ZNF331: variants seen among roughly 807,000 people sequenced by gnomAD.
ZNF331 encodes zinc finger protein 331.
ZNF331 carries 2 observed loss-of-function variants against 7.0 expected under a neutral mutation model. That is an observed-to-expected ratio of 0.29 (90% confidence interval 0.12 to 0.90). The LOEUF is 0.90. Ranked by LOEUF, ZNF331 falls within the 40% of genes least tolerant of loss-of-function variation. ZNF331 has a pLI of 0.58. For missense variants in ZNF331, 432 were observed against 587.7 expected (o/e 0.74, Z 2.74); for synonymous variants, 196 against 205.4 (o/e 0.95, Z 0.39).
intron 3 of ZNF331, among the ~76,000 whole-genome samples, chr19:53,556,773 G>A (rs944224698): frequency 4.0e-5 from 6 of 151,870 alleles, no homozygotes; most frequent in Non-Finnish European, 8.8e-5. Context: ...AAGTAGCTGG[G>A]GCTACTGGTG....
intron 2 of ZNF331, among the ~76,000 whole-genome samples, chr19:53,524,898 G>A (rs553863437): frequency 1.6e-4 from 24 of 152,232 alleles, no homozygotes; most frequent in African/African-American, 5.5e-4. Flanking sequence ...ATGGTTTTAG[G>A]TCTAATATTT....
intron 2 of ZNF331, among the ~76,000 whole-genome samples, chr19:53,531,804 T>C (rs2087550306): frequency 6.6e-6 from 1 of 151,524 alleles, no homozygotes; most frequent in South Asian, 2.1e-4. Flanking sequence ...TGAGAAGCAA[T>C]GTGGTTTGAT....
At chr19:53,541,633 A>T (rs1041859992) in intron 2 of ZNF331, among the ~76,000 whole-genome samples, 5 of 152,108 alleles carry the variant, frequency 3.3e-5, no homozygotes, top group Admixed American at 2.0e-4. Context: ...TTATAATAGG[A>T]TTAATGCAGG....
At chr19:53,515,658 C>A (rs566821502), upstream of ZNF331, among the ~76,000 whole-genome samples, 6 of 152,212 alleles carry the variant, frequency 3.9e-5, no homozygotes, top group African/African-American at 1.2e-4. Flanking sequence ...CCACCACGCC[C>A]GGCTAATTTT....
intron 2 of ZNF331, among the ~76,000 whole-genome samples, chr19:53,552,809 T>C (rs539122733): frequency 4.6e-5 from 7 of 152,284 alleles, no homozygotes; most frequent in African/African-American, 1.7e-4. Context: ...TGATCTTCAA[T>C]AGTAACCACA....
At position 53,562,211 on chromosome 19, in the gene ZNF331, G is replaced by C. The variant is rs73587725; in HGVS notation, c.-74+6303G>C. 2.2e-3 allele frequency among the ~76,000 whole-genome samples: 340 copies of C among 152,208 alleles called. 1 individual carries two copies. Among genetic ancestry groups the C allele is most frequent in the African/African-American group, 7.8e-3 (326 of 41,584 alleles). ...AATGTTTCTTTCCCAGAACATGACA[G>C]TAATCACTGATAAATTCTAAGTAAT... On this transcript the variant is annotated intron_variant, in intron 3 of 5. Coordinates refer to ENST00000449416, the MANE Select transcript of ZNF331 (RefSeq NM_001079906.2).
At chr19:53,574,303 G>A (rs564242409) in intron 5 of ZNF331, among the ~76,000 whole-genome samples, 4 of 151,858 alleles carry the variant, frequency 2.6e-5, no homozygotes, top group Admixed American at 2.6e-4. Flanking sequence ...ACAACAATAC[G>A]GAGGAAAGTG....
upstream of ZNF331, among the ~76,000 whole-genome samples, chr19:53,514,794 A>G (rs1158949417): frequency 3.3e-5 from 5 of 151,400 alleles, no homozygotes; most frequent in African/African-American, 4.9e-5. Context: ...GGGACTACAG[A>G]AGCCCGCCAC....
chr19:53,544,165 TGC>T (rs1293257589), intron 2 of ZNF331, among the ~76,000 whole-genome samples: 1 of 149,532 alleles, frequency 6.7e-6, no homozygotes, highest in Non-Finnish European at 1.5e-5. Flanking sequence ...AGGCGGAGGT[TGC>T]AGTGAGTTGA....
chr19:53,542,844 T>C (rs1003187108), intron 2 of ZNF331, among the ~76,000 whole-genome samples: 1 of 152,212 alleles, frequency 6.6e-6, no homozygotes, highest in African/African-American at 2.4e-5. Context: ...AGTTTCGCTC[T>C]GGTTGCCTAG....
chr19:53,574,613 GC>G lies in ZNF331; in HGVS notation c.137-2081del, dbSNP rs201886600. On this transcript the variant is annotated intron_variant, in intron 5 of 5. Coordinates refer to ENST00000449416, the MANE Select transcript of ZNF331 (RefSeq NM_001079906.2). The stretch of plus-strand genomic sequence containing the variant: ...AAAGTGGGTTAGCCTCGCTTTAAGT[GC>G]CCGTTTTCTTTTTCTCATATCTAGG... Among the ~76,000 whole-genome samples, 707 of 152,228 alleles carry G rather than the reference GC, an allele frequency of 4.6e-3. 4 individuals are homozygous for G. The highest frequency in any genetic ancestry group is 0.016 in the African/African-American group (679 of 41,532).
At chr19:53,525,607 G>A (rs1210029745) in intron 2 of ZNF331, among the ~76,000 whole-genome samples, 1 of 152,138 alleles carries the variant, frequency 6.6e-6, no homozygotes, top group Non-Finnish European at 1.5e-5. Context: ...CATTGATTTT[G>A]TAAGGGATAC....
chr19:53,509,076 G>A, the ZNF331 span, among the ~76,000 whole-genome samples: 1 of 152,228 alleles, frequency 6.6e-6, no homozygotes, highest in Non-Finnish European at 1.5e-5. Flanking sequence ...CCAGGACTGT[G>A]TTAGTTTCAG....
upstream of ZNF331, among the ~76,000 whole-genome samples, chr19:53,535,801 C>CTTTTTTTTTTTTTTTTTTT (rs558002929): frequency 1.4e-5 from 2 of 143,424 alleles, no homozygotes. Context: ...AAAATGTTCA[C>CTTTTTTTTTTTTTTTTTTT]TTTTTTTTTT....
chr19:53,511,319 C>T, the ZNF331 span, among the ~76,000 whole-genome samples: 1 of 151,904 alleles, frequency 6.6e-6, no homozygotes, highest in Non-Finnish European at 1.5e-5. Context: ...AAAATATATA[C>T]ATTTATATGG....
the ZNF331 span, among the ~76,000 whole-genome samples, chr19:53,507,887 C>T: frequency 3.3e-5 from 5 of 152,262 alleles, no homozygotes; most frequent in Middle Eastern, 3.4e-3. Flanking sequence ...GTGATCCCAG[C>T]TACTTCGGAG....
At position 53,579,889 on chromosome 19, in the gene ZNF331, A is replaced by G. The variant is rs113724385; in HGVS notation, c.*1937A>G. 0.013 allele frequency: 2,597 copies of G among 202,798 alleles called. 58 individuals carry two copies. Among genetic ancestry groups the G allele is most frequent in the African/African-American group, 0.056 (2,434 of 43,722 alleles). The allele number at this position is 202,798 out of a possible 1,614,324, so 12.6% of individuals were successfully genotyped here. ...AGGAACTCTCATAGAAAATATAAAG[A>G]ATCCCTCAAGTTGAAAAAAAAATCA... On this transcript the variant is annotated 3_prime_UTR_variant, in exon 6 of 6. Coordinates refer to ENST00000449416, the MANE Select transcript of ZNF331 (RefSeq NM_001079906.2).
At chr19:53,563,696 C>A (rs1271536773) in intron 3 of ZNF331, 1 of 151,894 alleles carries the variant, frequency 6.6e-6, no homozygotes, top group Non-Finnish European at 1.5e-5. Context: ...TGTATTACTG[C>A]ATGTTGTAGA....
chr19:53,562,450 G>A (rs146380459), intron 3 of ZNF331, among the ~76,000 whole-genome samples: 5,356 of 152,190 alleles, frequency 0.035, 305 homozygotes, highest in African/African-American at 0.12. Flanking sequence ...AGCACTTTGG[G>A]AGGCCAAAGC....
Sources: gnomAD v4.1 joint callset for allele counts (sites outside exome capture counted in the v4.1 genomes callset) on GRCh38, gnomAD v4.1.1 for gene constraint, MANE v1.5 for transcripts, NCBI Gene and HGNC (gene_info 2026-07-23, HGNC 2026-07-21) for gene names.